The following PCSK5 variants were observed in gnomAD, a reference collection of about 807,000 sequenced individuals.
PCSK5 encodes the protein proprotein convertase subtilisin/kexin type 5.
PCSK5 carries 129 observed loss-of-function variants against 233.2 expected under a neutral mutation model. That is an observed-to-expected ratio of 0.55 (90% CI 0.48 to 0.64). The LOEUF (loss-of-function observed/expected upper bound fraction) is 0.64, where lower values mean the gene tolerates loss of function less well. Among genes scored for constraint, PCSK5 ranks in the 30% least tolerant of loss-of-function variants. PCSK5 has a pLI of 0.00. For synonymous variants in PCSK5, 825 were observed against 879.2 expected, an observed-to-expected ratio of 0.94 and a Z score of 1.09; for missense variants, 2,076 against 2,430.1, an observed-to-expected ratio of 0.85 and a Z score of 3.06.
At chr9:76,357,267 C>A (rs1587375951) in intron 37 of PCSK5, among the ~76,000 whole-genome samples, 1 of 152,216 alleles carries the variant, frequency 6.6e-6, no homozygotes, top group South Asian at 2.1e-4. Context: ...GTGGCTCATG[C>A]CCCAGAACTT....
chr9:75,936,685 G>A (rs1824070245), intron 2 of PCSK5, among the ~76,000 whole-genome samples: 1 of 152,054 alleles, frequency 6.6e-6, no homozygotes, highest in African/African-American at 2.4e-5. Flanking sequence ...CTGAAGTCTT[G>A]CATTCCTCAA....
intron 1 of PCSK5, among the ~76,000 whole-genome samples, chr9:75,920,404 T>A (rs1318623647): frequency 3.3e-5 from 5 of 152,172 alleles, no homozygotes; most frequent in Admixed American, 3.3e-4. Context: ...TCCTCCTGCC[T>A]CGGCCTCCCA....
At chr9:76,334,124 T>G (rs1829613164) in intron 34 of PCSK5, among the ~76,000 whole-genome samples, 1 of 152,060 alleles carries the variant, frequency 6.6e-6, no homozygotes. Context: ...CGAAACGGGT[T>G]TCTCCTTATC....
intron 5 of PCSK5, among the ~76,000 whole-genome samples, chr9:76,055,651 T>G (rs1191603213): frequency 3.9e-5 from 6 of 152,222 alleles, no homozygotes; most frequent in African/African-American, 9.6e-5. Context: ...GCATTGATAG[T>G]AGGCAAAAAG....
At chr9:76,283,452 T>G (rs1331978474) in intron 24 of PCSK5, among the ~76,000 whole-genome samples, 1 of 152,236 alleles carries the variant, frequency 6.6e-6, no homozygotes, top group Non-Finnish European at 1.5e-5. Flanking sequence ...CATTAGCATT[T>G]TTTAGCAATA....
intron 1 of PCSK5, among the ~76,000 whole-genome samples, chr9:75,922,565 A>G (rs1405345805): frequency 2.0e-5 from 3 of 152,190 alleles, no homozygotes; most frequent in African/African-American, 7.2e-5. Context: ...GGATGATGCC[A>G]TTGGGTTGTT....
chr9:76,036,080 A>G (rs949368801), intron 5 of PCSK5, among the ~76,000 whole-genome samples: 1 of 152,156 alleles, frequency 6.6e-6, no homozygotes, highest in African/African-American at 2.4e-5. Flanking sequence ...TTACCAAAAT[A>G]TTGTTTAGAT....
chr9:75,995,472 G>A (rs559313116), intron 3 of PCSK5, among the ~76,000 whole-genome samples: 7 of 152,316 alleles, frequency 4.6e-5, no homozygotes, highest in African/African-American at 1.7e-4. Context: ...AGTAAAAGAA[G>A]AAATAAGTGT....
intron 2 of PCSK5, among the ~76,000 whole-genome samples, chr9:75,977,614 G>C (rs928628924): frequency 6.7e-6 from 1 of 150,042 alleles, no homozygotes; most frequent in African/African-American, 2.4e-5. Context: ...ACAAGAGTGG[G>C]TTTCTTTTTT....
chr9:75,895,756 G>T lies in PCSK5; in HGVS notation c.192+4383G>T, dbSNP rs573882612. Among the ~76,000 whole-genome samples the T allele has an allele frequency of 2.0e-5, 3 of 152,292 alleles. No homozygotes were observed. The South Asian group carries it at 6.2e-4, about 32-fold the overall frequency. On this transcript the variant is annotated intron_variant, in intron 1 of 37. Transcript: ENST00000674117. ...TTATTTTTTATTCTGAGTGTAGTTT[G>T]TATGAGTAAAGCTAGAAGAAGCATT... is the stretch of plus-strand genomic sequence containing the variant.
At chr9:76,046,165 T>G (rs993060447) in intron 5 of PCSK5, among the ~76,000 whole-genome samples, 15 of 48,898 alleles carry the variant, frequency 3.1e-4, no homozygotes, top group African/African-American at 1.7e-3. Flanking sequence ...CTTTTGTTTT[T>G]TTTTTTTTTT....
At chr9:76,301,961 G>A (rs1391987788) in intron 27 of PCSK5, among the ~76,000 whole-genome samples, 176 bp from the exon 28 acceptor site, 2 of 138,166 alleles carry the variant, frequency 1.4e-5, no homozygotes, top group African/African-American at 5.0e-5. Flanking sequence ...TATAAATGAT[G>A]ACACATCTAT....
intron 3 of PCSK5, among the ~76,000 whole-genome samples, chr9:75,997,772 G>C (rs1164754848): frequency 6.6e-6 from 1 of 152,100 alleles, no homozygotes; most frequent in Non-Finnish European, 1.5e-5. Context: ...AACCTGATGA[G>C]AAACCTAATT....
At chr9:75,965,684 C>T (rs1262737136) in intron 2 of PCSK5, among the ~76,000 whole-genome samples, 3 of 152,160 alleles carry the variant, frequency 2.0e-5, no homozygotes, top group Admixed American at 6.5e-5. Context: ...GTATTTAATC[C>T]GGGCACCCTG....
At chr9:75,976,031 T>A (rs1221447641) in intron 2 of PCSK5, among the ~76,000 whole-genome samples, 1 of 152,186 alleles carries the variant, frequency 6.6e-6, no homozygotes, top group Non-Finnish European at 1.5e-5. Flanking sequence ...GAATTTGTTT[T>A]AGGTACTTTA....
In PCSK5 at chr9:76,077,716, T is replaced by C. The variant is rs1392722522; in HGVS notation, c.894+5818T>C. Among the ~76,000 whole-genome samples, 5 of 152,334 alleles carry C rather than the reference T, an allele frequency of 3.3e-5. No homozygotes were observed. The East Asian group carries it at 9.6e-4, about 29-fold the overall frequency. ...ATAATAGCCTCCAACTGTATCCATG[T>C]TGCTACAAAGGACATGGTTTTATTC... On this transcript the variant is annotated intron_variant, in intron 7 of 37. Coordinates refer to ENST00000674117, the MANE Select transcript of PCSK5 (RefSeq NM_001372043.1).
chr9:76,261,197 A>G (rs1489649406), intron 24 of PCSK5, among the ~76,000 whole-genome samples: 1 of 152,244 alleles, frequency 6.6e-6, no homozygotes, highest in Admixed American at 6.5e-5. Context: ...AGAAAGGCAC[A>G]TGACCCATGT....
intron 7 of PCSK5, among the ~76,000 whole-genome samples, chr9:76,083,615 A>G (rs1181547598): frequency 2.0e-5 from 3 of 152,218 alleles, no homozygotes; most frequent in Non-Finnish European, 4.4e-5. Flanking sequence ...CCATTGGCGT[A>G]TGTCTGTTTA....
chr9:76,126,710 C>T (rs2131729673), intron 9 of PCSK5, among the ~76,000 whole-genome samples: 1 of 152,236 alleles, frequency 6.6e-6, no homozygotes. Context: ...TGCATGTTCT[C>T]ACTTAAAAGT....
Sources: gnomAD v4.1 joint callset for allele counts (sites outside exome capture counted in the v4.1 genomes callset) on GRCh38, gnomAD v4.1.1 for gene constraint, MANE v1.5 for transcripts, NCBI Gene and HGNC (gene_info 2026-07-23, HGNC 2026-07-21) for gene names.